USP13: variants seen among roughly 807,000 people sequenced by gnomAD.
The protein encoded by USP13 is ubiquitin carboxyl-terminal hydrolase 13.
USP13 carries 68 observed loss-of-function variants against 107.8 expected under a neutral mutation model. The ratio of observed to expected loss-of-function variants is 0.63; its 90% CI spans 0.52 to 0.77. The LOEUF is 0.77. Ranked by LOEUF, USP13 falls within the 30% of genes least tolerant of loss-of-function variation. The pLI is 0.00. For synonymous variants in USP13, 377 were observed against 389.5 expected, an observed-to-expected ratio of 0.97 and a Z score of 0.38; for missense variants, 945 against 1,093.3, an observed-to-expected ratio of 0.86 and a Z score of 1.91.
rs1238857509 is a variant in USP13 at position 179,786,296 on chromosome 3, T to C, written c.*2155T>C. 1 of 152,180 alleles carries C rather than the reference T, an allele frequency of 6.6e-6. No homozygotes were observed. Among genetic ancestry groups the C allele is most frequent in the African/African-American group, 2.4e-5 (1 of 41,434 alleles). 9.4% of individuals were successfully genotyped at this position (152,180 alleles called of 1,614,324 possible). A position where few individuals can be genotyped will look rare whatever the true frequency, so the allele number is the denominator to read the frequency against. On this transcript the variant is annotated 3_prime_UTR_variant, in exon 21 of 21. Coordinates refer to ENST00000263966, the MANE Select transcript of USP13 (RefSeq NM_003940.3). ...GCGATGTTATAAAACAAAGGCCTGT[T>C]TTTTGGAATTGGGGGTGACTGGGTG...
intron 19 of USP13, among the ~76,000 whole-genome samples, chr3:179,768,209 G>A (rs1015427892): frequency 4.6e-5 from 7 of 152,218 alleles, no homozygotes; most frequent in Middle Eastern, 3.2e-3. Flanking sequence ...ACCACAAGAT[G>A]GGGCTGTTGT....
chr3:179,734,924 A>G (rs548487795), intron 10 of USP13, among the ~76,000 whole-genome samples: 2 of 152,334 alleles, frequency 1.3e-5, no homozygotes, highest in African/African-American at 4.8e-5. Flanking sequence ...CATTCGGCTC[A>G]GGGGAATATG....
chr3:179,777,503 A>G (rs1274500832), intron 19 of USP13, among the ~76,000 whole-genome samples: 1 of 134,192 alleles, frequency 7.5e-6, no homozygotes, highest in East Asian at 2.2e-4. Context: ...CCCAGGCTGG[A>G]GTACAGTGGT....
chr3:179,702,406 G>A (rs1214625404), intron 4 of USP13, among the ~76,000 whole-genome samples: 1 of 152,160 alleles, frequency 6.6e-6, no homozygotes, highest in East Asian at 1.9e-4. Flanking sequence ...GCCAGGGTGG[G>A]TTGAGTTTAG....
chr3:179,739,578 A>G (rs1355059540), intron 10 of USP13, among the ~76,000 whole-genome samples: 1 of 152,094 alleles, frequency 6.6e-6, no homozygotes, highest in Non-Finnish European at 1.5e-5. Flanking sequence ...ATTTATTGAG[A>G]TGGAGTTTTG....
intron 6 of USP13, among the ~76,000 whole-genome samples, chr3:179,716,700 GA>G (rs1332944810): frequency 1.3e-5 from 2 of 151,992 alleles, no homozygotes; most frequent in Admixed American, 6.5e-5. Context: ...AAACAGAGGA[GA>G]AAAAAAGACA....
chr3:179,760,456 T>A (rs2108533946), intron 16 of USP13, among the ~76,000 whole-genome samples: 1 of 152,070 alleles, frequency 6.6e-6, no homozygotes, highest in East Asian at 1.9e-4. Flanking sequence ...GCTAATTTTT[T>A]GTATTTTTAG....
intron 1 of USP13, among the ~76,000 whole-genome samples, chr3:179,669,062 T>C (rs1031307782): frequency 6.6e-6 from 1 of 152,222 alleles, no homozygotes; most frequent in Non-Finnish European, 1.5e-5. Flanking sequence ...GGTGCTCTTA[T>C]GGACTCAGTA....
chr3:179,715,249 C>T (rs1269486618), intron 6 of USP13, among the ~76,000 whole-genome samples: 1 of 151,898 alleles, frequency 6.6e-6, no homozygotes, highest in African/African-American at 2.4e-5. Flanking sequence ...TGGTCTTGAA[C>T]TCCTGGGCTC....
chr3:179,783,269 T>C (rs1224204081), intron 20 of USP13, among the ~76,000 whole-genome samples: 1 of 152,088 alleles, frequency 6.6e-6, no homozygotes, highest in Non-Finnish European at 1.5e-5. Context: ...ATTGTCTACA[T>C]TTTGATATAC....
intron 10 of USP13, among the ~76,000 whole-genome samples, chr3:179,736,705 G>T (rs1714008337): frequency 6.6e-6 from 1 of 152,212 alleles, no homozygotes; most frequent in Non-Finnish European, 1.5e-5. Context: ...GAGGGGAATG[G>T]CTGAGAATGG....
At chr3:179,686,023 G>A (rs1472440265) in intron 2 of USP13, among the ~76,000 whole-genome samples, 1 of 152,100 alleles carries the variant, frequency 6.6e-6, no homozygotes, top group African/African-American at 2.4e-5. Context: ...TCCATGCACA[G>A]ACTGCTGGAA....
chr3:179,737,089 G>A lies in USP13; in HGVS notation c.1255-3158G>A, dbSNP rs988645576. Among the ~76,000 whole-genome samples the A allele has an allele frequency of 2.0e-5, 3 of 152,260 alleles. No individual in the cohort carries two copies. The South Asian group carries it at 6.2e-4, about 32-fold the overall frequency. On this transcript the variant is annotated intron_variant, in intron 10 of 20. Transcript: ENST00000263966. ...GTGATGTTGGCCCTAGAGTTGTGTA[G>A]GCTTGAAGAAGGGTTATGCAGACTC...
intron 2 of USP13, among the ~76,000 whole-genome samples, 177 bp downstream of exon 2, chr3:179,682,180 C>T (rs1265338544): frequency 6.6e-6 from 1 of 151,148 alleles, no homozygotes; most frequent in African/African-American, 2.4e-5. Flanking sequence ...CTTATCGTAA[C>T]CAGTTTTATT....
chr3:179,699,727 TTTTAGCTG>T (rs1712445747), intron 3 of USP13, among the ~76,000 whole-genome samples: 1 of 148,500 alleles, frequency 6.7e-6, no homozygotes, highest in Non-Finnish European at 1.5e-5. Context: ...TTAGATTGCA[TTTTAGCTG>T]TATCTTATTT....
rs1372193813 is a variant in USP13, at chr3:179,754,809, C to A, written c.1876C>A (p.Leu626Ile). 2 of 1,613,182 alleles carry A rather than the reference C, an allele frequency of 1.2e-6. No individual in the cohort carries two copies. Among genetic ancestry groups the A allele is most frequent in the Non-Finnish European group, 1.7e-6 (2 of 1,179,708 alleles). The change falls in exon 15 of 21, where the codon CTT (leucine) becomes ATT (isoleucine). Residue 626 changes from leucine (L) to isoleucine (I), a missense_variant. By Grantham distance (5) the Leu-to-Ile change is conservative. Transcript: ENST00000263966. ...GGGGTTACAGCCAGGAGAGGAAGAA[C>A]TTCCAGACATCAGCCCCCCCATAGT... ...ARGLQPGEEE[L>I]PDISPPIVIP...
intron 6 of USP13, among the ~76,000 whole-genome samples, chr3:179,709,179 C>T (rs1712835135): frequency 6.6e-6 from 1 of 152,180 alleles, no homozygotes; most frequent in Non-Finnish European, 1.5e-5. Flanking sequence ...ATACCTCTTT[C>T]CTGTGTTTGT....
intron 11 of USP13, 41 bp downstream of exon 11, chr3:179,740,413 G>T (rs1714151814): frequency 6.2e-7 from 1 of 1,612,772 alleles, no homozygotes; most frequent in Non-Finnish European, 8.5e-7. Flanking sequence ...GGGGTTGTAA[G>T]AGGGTGCCGA....
chr3:179,653,664 T>C lies in USP13; in HGVS notation c.168+271T>C, dbSNP rs1720160528. ...GCTTGCACACAGCCCCGCCGCCGTTTAAAGATAGATGAAATACAAGAGTTC... is the reference window on the plus strand; with the variant it reads ...GCTTGCACACAGCCCCGCCGCCGTTCAAAGATAGATGAAATACAAGAGTTC... On this transcript the variant is annotated intron_variant, in intron 1 of 20. Transcript: ENST00000263966. This position sits in a 1 kb window ranked among gnomAD's most constrained non-coding sequence, Gnocchi z 4.0. The C allele has an allele frequency of 6.6e-6, 3 of 452,836 alleles. No homozygotes were observed. The East Asian group carries it at 1.3e-4, about 19-fold the overall frequency. The allele number at this position is 452,836 out of a possible 1,614,324, so 28.1% of individuals were successfully genotyped here. A position where few individuals can be genotyped will look rare whatever the true frequency, so the allele number is the denominator to read the frequency against.
Sources: gnomAD v4.1 joint callset for allele counts (sites outside exome capture counted in the v4.1 genomes callset) on GRCh38, gnomAD v4.1.1 for gene constraint, Gnocchi (gnomAD v3.1) non-coding constraint, MANE v1.5 for transcripts, NCBI Gene and HGNC (gene_info 2026-07-23, HGNC 2026-07-21) for gene names.